KRT8: variants seen among roughly 807,000 people sequenced by gnomAD.
KRT8 encodes the protein keratin 8.
In KRT8, 24 loss-of-function variants were observed where a neutral mutation model predicts 43.0. That is an observed-to-expected ratio of 0.56 (90% CI 0.40 to 0.78). KRT8 has a LOEUF of 0.78. Among genes scored for constraint, KRT8 ranks in the 30% least tolerant of loss-of-function variants. The probability of loss-of-function intolerance (pLI) is 0.00; values close to 1 mark genes in which losing one functional copy is unlikely to be tolerated. For missense variants in KRT8, 492 were observed against 638.4 expected (o/e 0.77, Z 2.47); for synonymous variants, 214 against 261.2 (o/e 0.82, Z 1.74).
chr12:52,906,306 C>T (rs910451397), upstream of KRT8, among the ~76,000 whole-genome samples: 10 of 152,036 alleles, frequency 6.6e-5, no homozygotes, highest in Non-Finnish European at 8.8e-5. Context: ...TTGCTCTTTG[C>T]GGGAGTCACT....
At chr12:52,906,633 T>A (rs760609110), upstream of KRT8, 110 of 453,084 alleles carry the variant, frequency 2.4e-4, 3 homozygotes, top group South Asian at 1.7e-3. Context: ...AGGCAGAGAT[T>A]CCACCTGCAA....
intron 2 of KRT8, chr12:52,948,679 A>AG (rs915245067): frequency 8.1e-5 from 29 of 359,306 alleles, no homozygotes; most frequent in Admixed American, 7.0e-4. Flanking sequence ...TTTAGTAGAG[A>AG]GGGGGTTTCA....
chr12:52,938,170 A>ATATATATATATATATATATATTTT (rs1555189967), intron 2 of KRT8, among the ~76,000 whole-genome samples: 1 of 30,298 alleles, frequency 3.3e-5, no homozygotes, highest in African/African-American at 1.4e-4. Context: ...ATATATATAT[A>ATATATATATATATATATATATTTT]TTTTTTTTTT....
intron 2 of KRT8, among the ~76,000 whole-genome samples, chr12:52,938,673 A>G (rs886531863): frequency 1.3e-5 from 2 of 151,248 alleles, no homozygotes; most frequent in Non-Finnish European, 2.9e-5. Flanking sequence ...GCTGGAGTGC[A>G]GTGGTGCGAT....
upstream of KRT8, among the ~76,000 whole-genome samples, chr12:52,905,752 TAC>T (rs1278662309): frequency 7.3e-6 from 1 of 137,718 alleles, no homozygotes; most frequent in Admixed American, 7.2e-5. Flanking sequence ...CACATACACA[TAC>T]ACACACAGTG....
chr12:52,936,706 G>T (rs1032506519), intron 2 of KRT8, among the ~76,000 whole-genome samples: 1 of 152,092 alleles, frequency 6.6e-6, no homozygotes, highest in South Asian at 2.1e-4. Context: ...GTAGAGATGG[G>T]GTTTCTCCAT....
chr12:52,926,332 G>GGCCACCCCC, intron 2 of KRT8: 9 of 600,246 alleles, frequency 1.5e-5, no homozygotes, highest in Admixed American at 4.7e-5. Flanking sequence ...GGCACTAGCT[G>GGCCACCCCC]CCCTCCCCAC....
intron 2 of KRT8, among the ~76,000 whole-genome samples, chr12:52,915,373 CAA>C (rs566362747): frequency 1.5e-5 from 2 of 129,084 alleles, no homozygotes; most frequent in Admixed American, 8.0e-5. Flanking sequence ...GACTCCATCT[CAA>C]AAAAAAAAAA....
intron 2 of KRT8, among the ~76,000 whole-genome samples, chr12:52,913,263 ACC>A (rs1941670787): frequency 2.0e-5 from 3 of 152,142 alleles, no homozygotes; most frequent in African/African-American, 7.2e-5. Context: ...AATGACTCCA[ACC>A]TTGGTGAAAT....
upstream of KRT8, among the ~76,000 whole-genome samples, chr12:52,910,678 TG>T (rs1941618396): frequency 6.6e-6 from 1 of 152,190 alleles, no homozygotes; most frequent in Non-Finnish European, 1.5e-5. Context: ...GAAGCCCTCA[TG>T]GTGTTCAGGC....
intron 1 of KRT8, chr12:52,949,705 T>C: frequency 1.0e-6 from 1 of 982,164 alleles, no homozygotes; most frequent in Non-Finnish European, 1.6e-6. Context: ...CGGGAGGGGG[T>C]TGGGCATACC....
At chr12:52,924,315 G>A (rs1445410216) in intron 2 of KRT8, among the ~76,000 whole-genome samples, 1 of 152,024 alleles carries the variant, frequency 6.6e-6, no homozygotes. Flanking sequence ...CGGGCATGGT[G>A]GCGGGCGTCT....
At chr12:52,911,729 G>A (rs1207656556), upstream of KRT8, among the ~76,000 whole-genome samples, 2 of 151,980 alleles carry the variant, frequency 1.3e-5, no homozygotes, top group Admixed American at 1.3e-4. Context: ...GTATAACGAT[G>A]GAGAACAAGA....
chr12:52,924,207 G>C lies in KRT8; in HGVS notation c.-46-19180C>G, dbSNP rs142722513. Among the ~76,000 whole-genome samples the C allele has an allele frequency of 8.5e-3, 1,290 of 152,142 alleles. 12 individuals carry two copies. Among genetic ancestry groups the C allele is most frequent in the African/African-American group, 0.029 (1,214 of 41,482 alleles). On this transcript the variant is annotated intron_variant, in intron 2 of 6. Coordinates refer to the KRT8 transcript ENST00000546826. ...CTCATGCCTGTAATCCCGGCACTTT[G>C]GGAGGCTGAGGCAGACAGATCACAA...
At chr12:52,937,335 C>A (rs1942183832) in intron 2 of KRT8, among the ~76,000 whole-genome samples, 1 of 150,518 alleles carries the variant, frequency 6.6e-6, no homozygotes, top group Non-Finnish European at 1.5e-5. Flanking sequence ...TGTGCCACTG[C>A]ACAATCCAGC....
At chr12:52,911,234 C>T (rs1421557358), upstream of KRT8, among the ~76,000 whole-genome samples, 1 of 152,136 alleles carries the variant, frequency 6.6e-6, no homozygotes, top group Non-Finnish European at 1.5e-5. Context: ...CACCTGTAAT[C>T]CCAGCTACTT....
intron 5 of KRT8, 108 bp from the exon 6 acceptor site, chr12:52,899,007 C>A: frequency 1.0e-6 from 1 of 953,528 alleles, no homozygotes; most frequent in Non-Finnish European, 1.6e-6. Flanking sequence ...GCTGACTCCC[C>A]CCAGCTCAAA....
chr12:52,899,703 A>G (rs1359851546), intron 5 of KRT8, 72 bp downstream of exon 5: 1 of 1,404,262 alleles, frequency 7.1e-7, no homozygotes, highest in East Asian at 2.3e-5. Flanking sequence ...CAGAAACTTC[A>G]CTCTTCCTAC....
intron 2 of KRT8, among the ~76,000 whole-genome samples, chr12:52,930,189 T>C (rs1942060774): frequency 6.6e-6 from 1 of 151,422 alleles, no homozygotes; most frequent in African/African-American, 2.4e-5. Context: ...TTACATCCAA[T>C]TAGAAGCCAA....
Sources: allele counts gnomAD v4.1 joint callset (sites outside exome capture counted in the v4.1 genomes callset), GRCh38; gene constraint gnomAD v4.1.1; transcripts MANE v1.5; gene names NCBI Gene and HGNC (gene_info 2026-07-23, HGNC 2026-07-21).